CAPN11: variants seen among roughly 807,000 people sequenced by gnomAD.
CAPN11 encodes calpain-11.
In CAPN11, 108 loss-of-function variants were observed where a neutral mutation model predicts 105.3. The ratio of observed to expected loss-of-function variants is 1.03; its 90% CI spans 0.88 to 1.20. The LOEUF (loss-of-function observed/expected upper bound fraction) is 1.20. CAPN11 is among the 50% of genes most tolerant of loss of function. The pLI, the probability that CAPN11 is intolerant of heterozygous loss-of-function variation, is 0.00. For missense variants in CAPN11, 883 were observed against 924.8 expected, an observed-to-expected ratio of 0.95 and a Z score of 0.59; for synonymous variants, 329 against 344.5, an observed-to-expected ratio of 0.96 and a Z score of 0.50.
chr6:44,181,724 GAC>G lies in CAPN11; in HGVS notation c.1938+408_1938+409del, dbSNP rs1274846144. On this transcript the variant is annotated intron_variant, in intron 19 of 22. Coordinates refer to ENST00000398776, the MANE Select transcript of CAPN11 (RefSeq NM_007058.4). The stretch of plus-strand genomic sequence containing the variant: ...ACACTCACACACACACACACTCACA[GAC>G]ACAACCACACCACACTCACACACAC... 5.7e-4 allele frequency among the ~76,000 whole-genome samples: 3 copies of G among 5,286 alleles called. 1 individual carries two copies. The highest frequency in any genetic ancestry group is 1.1e-3 in the Non-Finnish European group (3 of 2,752). 3.5% of individuals were successfully genotyped at this position (5,286 alleles called of 152,430 possible).
Position 44,169,108 on chromosome 6 carries a change from T to A in CAPN11, c.89-173T>A, listed in dbSNP as rs755108274. On this transcript the variant is annotated intron_variant, in intron 2 of 22. Coordinates refer to ENST00000398776, the MANE Select transcript of CAPN11 (RefSeq NM_007058.4). Reference sequence around the variant, plus strand: ...ACCATGCCCAGCTAATTAAAAAAAATTTTTTTGTCGAGATGAGATCTCACC... The same window carrying A: ...ACCATGCCCAGCTAATTAAAAAAAAATTTTTTGTCGAGATGAGATCTCACC... The A allele has an allele frequency of 2.0e-3, 1,469 of 717,756 alleles. 5 individuals carry two copies. The highest frequency in any genetic ancestry group is 3.0e-3 in the Non-Finnish European group (1,271 of 422,894). 44.5% of individuals were successfully genotyped at this position (717,756 alleles called of 1,614,324 possible).
intron 12 of CAPN11, among the ~76,000 whole-genome samples, chr6:44,178,749 T>TAAAAAAAAAAAAA (rs1561850887): frequency 1.4e-5 from 1 of 70,282 alleles, no homozygotes; most frequent in Non-Finnish European, 2.9e-5. Context: ...CCTGTCTCGA[T>TAAAAAAAAAAAAA]TAAAAAAAAA....
chr6:44,181,120 G>T, intron 18 of CAPN11, 123 bp downstream of exon 18: 1 of 1,210,118 alleles, frequency 8.3e-7, no homozygotes. Flanking sequence ...GGTAGCAGAA[G>T]ATGCCAGTTC....
At chr6:44,181,501 C>CAT (rs1773284893) in intron 19 of CAPN11, among the ~76,000 whole-genome samples, 181 bp downstream of exon 19, 1 of 144,780 alleles carries the variant, frequency 6.9e-6, no homozygotes, top group Non-Finnish European at 1.5e-5. Context: ...CACACACACA[C>CAT]ACACACACTC....
chr6:44,177,478 T>G, intron 12 of CAPN11, 58 bp downstream of exon 12: 2 of 1,399,880 alleles, frequency 1.4e-6, no homozygotes, highest in South Asian at 2.6e-5. Context: ...CCTCACTCCT[T>G]TCTTTCTTTC....
chr6:44,176,011 C>G, intron 7 of CAPN11, 57 bp from the exon 8 acceptor site: 1 of 1,211,130 alleles, frequency 8.3e-7, no homozygotes, highest in Non-Finnish European at 1.2e-6. Context: ...GGTGCCCAGT[C>G]CAGGTCCTCC....
chr6:44,160,686 G>A (rs1222193493), intron 1 of CAPN11, among the ~76,000 whole-genome samples: 2 of 152,148 alleles, frequency 1.3e-5, no homozygotes, highest in Non-Finnish European at 2.9e-5. Context: ...TCTGATGGAG[G>A]AGACAGGATG....
intron 22 of CAPN11, 40 bp downstream of exon 22, chr6:44,183,803 C>T: frequency 6.2e-7 from 1 of 1,602,830 alleles, no homozygotes; most frequent in Non-Finnish European, 8.5e-7. Context: ...CAGGATTGCA[C>T]CTGCCTGCCC....
At chr6:44,158,934 G>A (rs1768188835) in intron 1 of CAPN11, 70 bp downstream of exon 1, 4 of 1,310,088 alleles carry the variant, frequency 3.1e-6, no homozygotes, top group Middle Eastern at 1.8e-4. Context: ...CAGGGGAGGA[G>A]CTGTGTCCCG....
At position 44,173,064 on chromosome 6, in the gene CAPN11, C is replaced by A; in HGVS notation, c.653C>A (p.Ala218Glu). The A allele has an allele frequency of 6.2e-7, 1 of 1,613,236 alleles. No individual in the cohort carries two copies. The highest frequency in any genetic ancestry group is 8.5e-7 in the Non-Finnish European group (1 of 1,179,534). ...TTCTGGAGTGCCCTGCTGGAGAAGG[C>A]GTATGCCAAGTGAGTGCTGGGAGCT... ...SEFWSALLEKAYAKLSGSYEA... is the reference protein window; with the variant it reads ...SEFWSALLEKEYAKLSGSYEA... Residue 218 changes from alanine to glutamate, a missense_variant, in exon 6 of 23, where the codon GCG (alanine) becomes GAG (glutamate). Coordinates refer to ENST00000398776, the MANE Select transcript of CAPN11 (RefSeq NM_007058.4).
At position 44,183,102 on chromosome 6, in the gene CAPN11, C is replaced by T. The variant is rs1774068543; in HGVS notation, c.2018-17C>T. On this transcript the variant is annotated splice_polypyrimidine_tract_variant and intron_variant, in intron 20 of 22. Coordinates refer to ENST00000398776, the MANE Select transcript of CAPN11 (RefSeq NM_007058.4). ...GCCCAGACTTTTCCCCTCCCCACTT[C>T]TCTCTCCCTCTCTCAGGCATCAAGC... The T allele has an allele frequency of 6.2e-7, 1 of 1,603,634 alleles. No individual in the cohort carries two copies. Among genetic ancestry groups the T allele is most frequent in the Admixed American group, 1.7e-5 (1 of 59,980 alleles).
intron 18 of CAPN11, 125 bp from the exon 19 acceptor site, chr6:44,181,127 G>C: frequency 8.3e-7 from 1 of 1,201,952 alleles, no homozygotes; most frequent in South Asian, 1.2e-5. Flanking sequence ...GAAGATGCCA[G>C]TTCTTCTGGC....
At chr6:44,173,503 TC>T in intron 7 of CAPN11, 117 bp downstream of exon 7, 1 of 642,290 alleles carries the variant, frequency 1.6e-6, no homozygotes, top group Non-Finnish European at 2.7e-6. Context: ...AACTGCCCTT[TC>T]CCCAGACTAG....
rs1175622634 is a variant in CAPN11, at chr6:44,180,565, ACCAGGT to A, written c.1681-29_1681-24del. The A allele has an allele frequency of 4.3e-6, 7 of 1,613,742 alleles. No individual in the cohort carries two copies. The East Asian group carries it at 1.6e-4, about 36-fold the overall frequency. ...CTGGGCCTGTGAAAGAAGTTTTCTG[ACCAGGT>A]CCCTTTCCTGCTCCCCGGCCCCCAG... On this transcript the variant is annotated intron_variant, in intron 15 of 22. Transcript: ENST00000398776.
chr6:44,174,171 CAT>C (rs986890333), intron 7 of CAPN11, among the ~76,000 whole-genome samples: 1 of 152,104 alleles, frequency 6.6e-6, no homozygotes, highest in African/African-American at 2.4e-5. Flanking sequence ...GAAATGAAGA[CAT>C]GTCTCCAAAA....
chr6:44,170,869 C>T (rs911482087), intron 4 of CAPN11, among the ~76,000 whole-genome samples: 1 of 151,954 alleles, frequency 6.6e-6, no homozygotes, highest in Non-Finnish European at 1.5e-5. Flanking sequence ...AGTCTGGTCC[C>T]GTTCAAGGGT....
At chr6:44,160,621 A>G (rs1273430364) in intron 1 of CAPN11, among the ~76,000 whole-genome samples, 1 of 152,120 alleles carries the variant, frequency 6.6e-6, no homozygotes, top group Admixed American at 6.5e-5. Context: ...CGCCTCAAAA[A>G]AAACCTCAAA....
chr6:44,165,536 A>G (rs1769665086), intron 1 of CAPN11, among the ~76,000 whole-genome samples: 1 of 152,150 alleles, frequency 6.6e-6, no homozygotes, highest in African/African-American at 2.4e-5. Context: ...AGATGCTAAG[A>G]GGGTGCAGTA....
At chr6:44,177,938 G>A (rs571395468) in intron 12 of CAPN11, among the ~76,000 whole-genome samples, 1 of 152,166 alleles carries the variant, frequency 6.6e-6, no homozygotes, top group South Asian at 2.1e-4. Context: ...GCTCACAGCG[G>A]CCCTGACCTC....
Sources: allele counts gnomAD v4.1 joint callset (sites outside exome capture counted in the v4.1 genomes callset), GRCh38; gene constraint gnomAD v4.1.1; transcripts MANE v1.5; gene names NCBI Gene and HGNC (gene_info 2026-07-23, HGNC 2026-07-21).